HTR1F: variants seen among roughly 807,000 people sequenced by gnomAD.
HTR1F encodes the protein 5-hydroxytryptamine receptor 1F.
HTR1F carries 17 observed loss-of-function variants against 24.0 expected under a neutral mutation model. The ratio of observed to expected loss-of-function variants is 0.71; its 90% CI spans 0.48 to 1.06. The LOEUF is 1.06. Among genes scored for constraint, HTR1F ranks in the 50% least tolerant of loss-of-function variants. The pLI is 0.00. For missense variants in HTR1F, 391 were observed against 427.8 expected (o/e 0.91, Z 0.76); for synonymous variants, 186 against 156.8 (o/e 1.19, Z -1.39).
At chr3:87,988,624 C>G (rs1705732143) in intron 2 of HTR1F, among the ~76,000 whole-genome samples, 1 of 152,150 alleles carries the variant, frequency 6.6e-6, no homozygotes, top group African/African-American at 2.4e-5. Flanking sequence ...CGCTCTGTTG[C>G]CCAGGCTGAG....
At chr3:87,911,053 G>C (rs1301984079) in intron 2 of HTR1F, among the ~76,000 whole-genome samples, 1 of 151,714 alleles carries the variant, frequency 6.6e-6, no homozygotes, top group African/African-American at 2.4e-5. Flanking sequence ...CTAAGATCAC[G>C]ACTAAAAGAA....
Position 87,807,852 on chromosome 3 carries a change from G to C in HTR1F, c.-159-14156G>C, listed in dbSNP as rs1384031040. Among the ~76,000 whole-genome samples the C allele has an allele frequency of 2.0e-5, 3 of 151,892 alleles. No homozygotes were observed. In the East Asian group the frequency reaches 5.8e-4, roughly 29 times the overall value. ...GAAAGGATGATGAATTTTATTAAAT[G>C]CTTCTTCCATGTCAATTGAGATCAT... On this transcript the variant is annotated intron_variant, in intron 1 of 2. Coordinates refer to ENST00000319595, the MANE Select transcript of HTR1F (RefSeq NM_001322209.2).
At chr3:87,975,648 T>C (rs1211316607) in intron 2 of HTR1F, among the ~76,000 whole-genome samples, 3 of 123,554 alleles carry the variant, frequency 2.4e-5, no homozygotes, top group Non-Finnish European at 5.7e-5. Flanking sequence ...ACCCTTCTTA[T>C]TTAAAATCAT....
chr3:87,964,112 G>T (rs1705116599), intron 2 of HTR1F, among the ~76,000 whole-genome samples: 1 of 151,954 alleles, frequency 6.6e-6, no homozygotes, highest in Non-Finnish European at 1.5e-5. Context: ...TCCCTAAATT[G>T]GCTGCCGGGT....
At chr3:87,925,967 T>G (rs147333122) in intron 2 of HTR1F, among the ~76,000 whole-genome samples, 89 of 152,350 alleles carry the variant, frequency 5.8e-4, no homozygotes, top group African/African-American at 2.0e-3. Flanking sequence ...GTTTTTGTCA[T>G]TTCTTAGTGA....
intron 2 of HTR1F, among the ~76,000 whole-genome samples, chr3:87,972,770 T>C (rs1180879078): frequency 6.6e-6 from 1 of 152,162 alleles, no homozygotes; most frequent in Non-Finnish European, 1.5e-5. Context: ...AAATAAGCTA[T>C]AGAATCATGT....
At chr3:87,907,244 T>G (rs1187274339) in intron 2 of HTR1F, among the ~76,000 whole-genome samples, 1 of 151,896 alleles carries the variant, frequency 6.6e-6, no homozygotes, top group Non-Finnish European at 1.5e-5. Flanking sequence ...AAGGTGGTAT[T>G]GCATTGTGGT....
chr3:87,927,121 G>C (rs1704144327), intron 2 of HTR1F, among the ~76,000 whole-genome samples: 1 of 152,256 alleles, frequency 6.6e-6, no homozygotes, highest in Admixed American at 6.5e-5. Context: ...ATTCCGACCT[G>C]TCAAACAAAA....
chr3:87,883,392 C>A (rs2107286259), intron 2 of HTR1F, among the ~76,000 whole-genome samples: 1 of 152,238 alleles, frequency 6.6e-6, no homozygotes, highest in African/African-American at 2.4e-5. Context: ...GCTGAAAATT[C>A]TAAAAACCAG....
chr3:87,895,613 T>A (rs1706181297), intron 2 of HTR1F, among the ~76,000 whole-genome samples: 1 of 152,158 alleles, frequency 6.6e-6, no homozygotes, highest in African/African-American at 2.4e-5. Flanking sequence ...TAATAGCAAG[T>A]TCAAGTTATA....
intron 2 of HTR1F, among the ~76,000 whole-genome samples, chr3:87,866,422 C>T (rs1216974938): frequency 6.6e-6 from 1 of 152,078 alleles, no homozygotes; most frequent in East Asian, 1.9e-4. Flanking sequence ...GTTATAAATC[C>T]TTTGACCGAA....
chr3:87,900,542 G>T (rs150433852), intron 2 of HTR1F, among the ~76,000 whole-genome samples: 2 of 152,292 alleles, frequency 1.3e-5, no homozygotes, highest in East Asian at 3.9e-4. Context: ...GCTCCATCAC[G>T]AAGGTGGTAA....
intron 1 of HTR1F, among the ~76,000 whole-genome samples, chr3:87,794,256 C>A (rs550517146): frequency 6.6e-6 from 1 of 152,314 alleles, no homozygotes; most frequent in East Asian, 1.9e-4. Context: ...TCTTCCTCTC[C>A]ATTTTCCCCT....
At chr3:87,882,257 T>C (rs1193988646) in intron 2 of HTR1F, among the ~76,000 whole-genome samples, 1 of 152,200 alleles carries the variant, frequency 6.6e-6, no homozygotes, top group African/African-American at 2.4e-5. Flanking sequence ...TTTACACTGT[T>C]GGTGGGACTG....
At chr3:87,956,622 T>A (rs1229307494) in intron 2 of HTR1F, among the ~76,000 whole-genome samples, 16 of 151,358 alleles carry the variant, frequency 1.1e-4, no homozygotes, top group Admixed American at 1.1e-3. Context: ...TTTAAATATA[T>A]GCCTTCCATT....
chr3:87,961,212 T>C (rs1211615251), intron 2 of HTR1F, among the ~76,000 whole-genome samples: 1 of 151,940 alleles, frequency 6.6e-6, no homozygotes, highest in Non-Finnish European at 1.5e-5. Flanking sequence ...AATCAACAAT[T>C]ATAGTAGTCC....
In HTR1F at chr3:87,947,959, G is replaced by A. The variant is rs1409148866; in HGVS notation, c.-42-42749G>A. Among the ~76,000 whole-genome samples, 3 of 151,818 alleles carry A rather than the reference G, an allele frequency of 2.0e-5. No individual in the cohort carries two copies. The East Asian group carries it at 5.8e-4, about 29-fold the overall frequency. On this transcript the variant is annotated intron_variant, in intron 2 of 2. Coordinates refer to ENST00000319595, the MANE Select transcript of HTR1F (RefSeq NM_001322209.2). Reference sequence around the variant, plus strand: ...TGAGTTTGTGAGGCTGAAATTTTCTGCTATTTTTAAAAATGTATTAAACCA... The same window carrying A: ...TGAGTTTGTGAGGCTGAAATTTTCTACTATTTTTAAAAATGTATTAAACCA...
chr3:87,823,554 A>C (rs1704402797), intron 2 of HTR1F, among the ~76,000 whole-genome samples: 1 of 137,612 alleles, frequency 7.3e-6, no homozygotes, highest in African/African-American at 3.0e-5. Flanking sequence ...TCATGCTTTT[A>C]CCCAGGCTGG....
Position 87,987,615 on chromosome 3 carries a change from A to AATAT in HTR1F, c.-42-3081_-42-3078dup, listed in dbSNP as rs10662382. ...ATGAAGATAGCAATAAAAATACGGAAATATATATATATATAATATATGTAT... is the reference window on the plus strand; with the variant it reads ...ATGAAGATAGCAATAAAAATACGGAAATATATATATATATATATAATATATGTAT... On this transcript the variant is annotated intron_variant, in intron 2 of 2. Coordinates refer to ENST00000319595, the MANE Select transcript of HTR1F (RefSeq NM_001322209.2). 1.5e-3 allele frequency among the ~76,000 whole-genome samples: 164 copies of AATAT among 110,510 alleles called. 7 individuals carry two copies. In the Middle Eastern group the frequency reaches 0.022, roughly 15 times the overall value. 72.5% of individuals were successfully genotyped at this position (110,510 alleles called of 152,430 possible).
Sources: allele counts gnomAD v4.1 joint callset (sites outside exome capture counted in the v4.1 genomes callset), GRCh38; gene constraint gnomAD v4.1.1; transcripts MANE v1.5; gene names NCBI Gene and HGNC (gene_info 2026-07-23, HGNC 2026-07-21).